The following EPHA3 variants were observed in gnomAD, a reference collection of about 807,000 sequenced individuals.
EPHA3 encodes ephrin type-A receptor 3.
In EPHA3, 42 loss-of-function variants were observed where a neutral mutation model predicts 107.1. The ratio of observed to expected loss-of-function variants is 0.39; its 90% CI spans 0.31 to 0.51. EPHA3 has a LOEUF of 0.51. Ranked by LOEUF, EPHA3 falls within the 20% of genes least tolerant of loss-of-function variation. EPHA3 has a pLI of 0.78. For synonymous variants in EPHA3, 461 were observed against 424.8 expected, an observed-to-expected ratio of 1.09 and a Z score of -1.05; for missense variants, 1,183 against 1,211.2, an observed-to-expected ratio of 0.98 and a Z score of 0.35.
intron 3 of EPHA3, among the ~76,000 whole-genome samples, chr3:89,294,824 T>G (rs1199575309): frequency 6.6e-6 from 1 of 152,200 alleles, no homozygotes; most frequent in Non-Finnish European, 1.5e-5. Context: ...CTCTCTATTA[T>G]GAGTTGTATT....
intron 11 of EPHA3, among the ~76,000 whole-genome samples, chr3:89,427,820 T>C (rs1709489557): frequency 6.6e-6 from 1 of 151,870 alleles, no homozygotes; most frequent in South Asian, 2.1e-4. Flanking sequence ...ATAACAAATG[T>C]CAAGTACCTA....
intron 11 of EPHA3, among the ~76,000 whole-genome samples, chr3:89,428,539 T>C (rs1378355242): frequency 6.6e-6 from 1 of 152,092 alleles, no homozygotes; most frequent in African/African-American, 2.4e-5. Context: ...AATTTTTAAG[T>C]GTTAAACAAA....
At chr3:89,127,343 T>G in intron 2 of EPHA3, 70 bp downstream of exon 2, 6 of 1,227,916 alleles carry the variant, frequency 4.9e-6, no homozygotes, top group Non-Finnish European at 7.2e-6. Flanking sequence ...ATGAATTTAT[T>G]GTATTCTCTA....
intron 3 of EPHA3, among the ~76,000 whole-genome samples, chr3:89,227,554 G>A (rs1704530081): frequency 6.6e-6 from 1 of 151,914 alleles, no homozygotes; most frequent in Non-Finnish European, 1.5e-5. Flanking sequence ...TATAAGTCAT[G>A]GTATAAATGT....
chr3:89,129,301 C>A (rs1377276596), intron 2 of EPHA3, among the ~76,000 whole-genome samples: 5 of 152,052 alleles, frequency 3.3e-5, no homozygotes, highest in East Asian at 1.9e-4. Flanking sequence ...CATTGCTGTC[C>A]TCTGTTGATC....
At chr3:89,168,297 A>C (rs558142429) in intron 2 of EPHA3, among the ~76,000 whole-genome samples, 3 of 152,154 alleles carry the variant, frequency 2.0e-5, no homozygotes, top group Non-Finnish European at 4.4e-5. Context: ...TGCCAAACAT[A>C]GATCTTGATA....
intron 15 of EPHA3, among the ~76,000 whole-genome samples, chr3:89,460,801 C>A (rs1377698156): frequency 4.2e-5 from 6 of 141,916 alleles, no homozygotes; most frequent in African/African-American, 1.1e-4. Context: ...ATGCCGAATA[C>A]CCAAGTGATC....
At chr3:89,236,077 A>G (rs1704753305) in intron 3 of EPHA3, among the ~76,000 whole-genome samples, 1 of 152,080 alleles carries the variant, frequency 6.6e-6, no homozygotes, top group South Asian at 2.1e-4. Context: ...ACATTTGTTT[A>G]TTTTAGATAT....
chr3:89,341,743 A>G lies in EPHA3; in HGVS notation c.971-12A>G. 1 of 1,587,996 alleles carries G rather than the reference A, an allele frequency of 6.3e-7. No individual in the cohort carries two copies. Among genetic ancestry groups the G allele is most frequent in the Non-Finnish European group, 8.6e-7 (1 of 1,165,920 alleles). On this transcript the variant is annotated splice_polypyrimidine_tract_variant and intron_variant, in intron 4 of 16. Coordinates refer to ENST00000336596, the MANE Select transcript of EPHA3 (RefSeq NM_005233.6). Reference sequence around the variant, plus strand: ...AGTGAGGCTCATTAATCTTTGTTGAACTACTTTGCAGGACCTCCATCTTCA... The same window carrying G: ...AGTGAGGCTCATTAATCTTTGTTGAGCTACTTTGCAGGACCTCCATCTTCA...
chr3:89,283,172 T>A (rs983190297), intron 3 of EPHA3, among the ~76,000 whole-genome samples: 6 of 152,104 alleles, frequency 3.9e-5, no homozygotes, highest in African/African-American at 1.4e-4. Flanking sequence ...GGAAAGAATT[T>A]ATTGTTGATG....
intron 3 of EPHA3, among the ~76,000 whole-genome samples, chr3:89,222,711 T>C (rs888603440): frequency 2.0e-5 from 3 of 152,060 alleles, no homozygotes; most frequent in Non-Finnish European, 2.9e-5. Flanking sequence ...TCTGGTGGTA[T>C]TGGACTGCTG....
intron 13 of EPHA3, among the ~76,000 whole-genome samples, chr3:89,447,602 C>A (rs116564920): frequency 9.2e-5 from 14 of 152,274 alleles, no homozygotes; most frequent in African/African-American, 3.4e-4. Context: ...CATTATATTT[C>A]TTCACACAGG....
intron 5 of EPHA3, among the ~76,000 whole-genome samples, chr3:89,361,857 T>G (rs1342958819): frequency 6.6e-6 from 1 of 151,054 alleles, no homozygotes; most frequent in East Asian, 1.9e-4. Context: ...CTTTGTTACT[T>G]CTCCCTAATA....
At chr3:89,193,122 G>A (rs35888698) in intron 2 of EPHA3, among the ~76,000 whole-genome samples, 13,110 of 151,964 alleles carry the variant, frequency 0.086, 710 homozygotes, top group Middle Eastern at 0.18. Context: ...TATAATATTT[G>A]AAACCACAAA....
intron 2 of EPHA3, among the ~76,000 whole-genome samples, chr3:89,170,025 G>A (rs1705175500): frequency 6.6e-6 from 1 of 152,040 alleles, no homozygotes; most frequent in South Asian, 2.1e-4. Flanking sequence ...GAGGCGGGTA[G>A]ATCACGAGGT....
At position 89,308,998 on chromosome 3, in the gene EPHA3, T is replaced by C. The variant is rs1443927625; in HGVS notation, c.815-31918T>C. 2.0e-5 allele frequency among the ~76,000 whole-genome samples: 3 copies of C among 152,250 alleles called. No individual in the cohort carries two copies. The East Asian group carries it at 5.8e-4, about 29-fold the overall frequency. On this transcript the variant is annotated intron_variant, in intron 3 of 16. Transcript: ENST00000336596. ...CAGAGGAAGATTCTGAGAAGTGTTC[T>C]AGAAGTTGGACAGTAAAATGAGAGA...
chr3:89,253,281 G>T (rs544343486), intron 3 of EPHA3, among the ~76,000 whole-genome samples: 31 of 152,106 alleles, frequency 2.0e-4, no homozygotes, highest in African/African-American at 7.0e-4. Context: ...TGACAGAGAT[G>T]AATACAATAT....
At chr3:89,297,569 T>C (rs1706386378) in intron 3 of EPHA3, among the ~76,000 whole-genome samples, 1 of 152,148 alleles carries the variant, frequency 6.6e-6, no homozygotes, top group African/African-American at 2.4e-5. Context: ...GGTATAATAG[T>C]AATGAAATCA....
intron 2 of EPHA3, among the ~76,000 whole-genome samples, chr3:89,132,244 T>G (rs530608764): frequency 5.4e-4 from 82 of 152,296 alleles, no homozygotes; most frequent in African/African-American, 1.6e-3. Flanking sequence ...CATGGAACCT[T>G]GATATCACTG....
Sources: allele counts gnomAD v4.1 joint callset (sites outside exome capture counted in the v4.1 genomes callset), GRCh38; gene constraint gnomAD v4.1.1; transcripts MANE v1.5; gene names NCBI Gene and HGNC (gene_info 2026-07-23, HGNC 2026-07-21).